Variants in EBF4 observed in about 807,000 individuals in gnomAD.
EBF4 encodes transcription factor COE4.
A neutral mutation model predicts 67.1 loss-of-function variants in EBF4; 34 were observed. The ratio of observed to expected loss-of-function variants is 0.51; its 90% CI spans 0.39 to 0.67. The LOEUF (loss-of-function observed/expected upper bound fraction) is 0.67, where lower values mean the gene tolerates loss of function less well. Ranked by LOEUF, EBF4 falls within the 30% of genes least tolerant of loss-of-function variation. The pLI is 0.00. For missense variants in EBF4, 837 were observed against 873.3 expected (o/e 0.96, Z 0.52); for synonymous variants, 387 against 377.7 (o/e 1.02, Z -0.29).
At chr20:2,730,640 T>C (rs1197409818) in intron 6 of EBF4, among the ~76,000 whole-genome samples, 1 of 152,218 alleles carries the variant, frequency 6.6e-6, no homozygotes, top group African/African-American at 2.4e-5. Flanking sequence ...ACAAGCTCTG[T>C]GGACTCTGCT....
At chr20:2,729,525 G>C (rs544682255) in intron 6 of EBF4, among the ~76,000 whole-genome samples, 25 of 152,212 alleles carry the variant, frequency 1.6e-4, no homozygotes, top group African/African-American at 5.5e-4. Context: ...TCCCCTACTA[G>C]GCCGAAGTGA....
rs970669544 is a variant in EBF4 at position 2,745,873 on chromosome 20, G to C, written c.558-2676G>C. 5.3e-5 allele frequency among the ~76,000 whole-genome samples: 8 copies of C among 152,190 alleles called. No homozygotes were observed. Among genetic ancestry groups the C allele is most frequent in the African/African-American group, 1.9e-4 (8 of 41,434 alleles). On this transcript the variant is annotated intron_variant, in intron 6 of 16. Transcript: ENST00000609451. This position sits in a 1 kb window ranked among gnomAD's most constrained non-coding sequence, Gnocchi z 5.2. ...CCTCTTGATCCTGTAGGTTTGAGTG[G>C]AGTGGGGTGCAGTGGGCACATGTGT...
intron 6 of EBF4, among the ~76,000 whole-genome samples, chr20:2,727,116 T>A (rs1451716742): frequency 6.6e-6 from 1 of 152,178 alleles, no homozygotes; most frequent in Admixed American, 6.5e-5. Context: ...GCCTTCCTTT[T>A]TAAGGCTTAA....
In EBF4 at chr20:2,751,247, C is replaced by A. The variant is rs1241912941; in HGVS notation, c.1019-453C>A. On this transcript the variant is annotated intron_variant, in intron 10 of 16. Coordinates refer to ENST00000609451, the Ensembl canonical transcript of EBF4. This position sits in a 1 kb window ranked among gnomAD's most constrained non-coding sequence, Gnocchi z 5.2. ...CCCTGGGGTGCATGCAAACCTCTAG[C>A]CTTCAGATGCTGCAGAGAGTCCACT... 6.6e-6 allele frequency among the ~76,000 whole-genome samples: 1 copy of A among 152,184 alleles called. No individual in the cohort carries two copies. The highest frequency in any genetic ancestry group is 1.9e-4 in the East Asian group (1 of 5,190).
chr20:2,755,758 C>G lies in EBF4; in HGVS notation c.1672C>G (p.Pro558Ala). The change falls in exon 15 of 17, where the codon CCC (proline) becomes GCC (alanine). Residue 558 changes from proline (P) to alanine (A), a missense_variant. This residue lies in a region of EBF4 where 525 missense variants were observed against 496.5 expected (regional missense o/e 1.06). Coordinates refer to ENST00000609451, the Ensembl canonical transcript of EBF4. The surrounding 1 kb of genome is among the most constrained non-coding windows in gnomAD (Gnocchi z 4.7). Reference sequence around the variant, plus strand: ...CGTCAAACAGAGGAGCGCCTTCGCCCCCGTGCTGCGCCCCCCAAGCTCCCC... The same window carrying G: ...CGTCAAACAGAGGAGCGCCTTCGCCGCCGTGCTGCGCCCCCCAAGCTCCCC... The G allele has an allele frequency of 6.4e-7, 1 of 1,550,730 alleles. No individual in the cohort carries two copies. The highest frequency in any genetic ancestry group is 1.7e-4 in the Middle Eastern group (1 of 5,990).
In EBF4 at chr20:2,755,675, C is replaced by T. The variant is rs779139244; in HGVS notation, c.1589C>T (p.Pro530Leu). Residue 530 changes from proline to leucine, a missense_variant, in exon 15 of 17, where the codon CCG (proline) becomes CTG (leucine). Physicochemically the swap from Pro to Leu is moderately conservative, Grantham distance 98 (BLOSUM62 -3). Coordinates refer to ENST00000609451, the Ensembl canonical transcript of EBF4. The surrounding 1 kb of genome is among the most constrained non-coding windows in gnomAD (Gnocchi z 4.7). The stretch of plus-strand genomic sequence containing the variant: ...GCGGCTGCCTCCTCCATGTCCCTCC[C>T]GGCCGCTGCCCCCACCACCAGCGTG... 53 of 1,549,998 alleles carry T rather than the reference C, an allele frequency of 3.4e-5. No homozygotes were observed. In the South Asian group the frequency reaches 3.5e-4, roughly 10 times the overall value.
At chr20:2,717,864 G>T (rs1384792686) in intron 6 of EBF4, among the ~76,000 whole-genome samples, 1 of 150,762 alleles carries the variant, frequency 6.6e-6, no homozygotes, top group African/African-American at 2.5e-5. Flanking sequence ...AGGCTGGAGT[G>T]CAGTGGCATG....
rs1164843633 is a variant in EBF4, at chr20:2,747,266, G to A, written c.558-1283G>A. On this transcript the variant is annotated intron_variant, in intron 6 of 16. Transcript: ENST00000609451. This position sits in a 1 kb window ranked among gnomAD's most constrained non-coding sequence, Gnocchi z 4.6. ...GGTGGAGGTTGCAGTGAGACATGGC[G>A]AGCCTGGGCAACAGAGCAAGACTCT... 2.0e-5 allele frequency among the ~76,000 whole-genome samples: 3 copies of A among 150,360 alleles called. No homozygotes were observed. Among genetic ancestry groups the A allele is most frequent in the Non-Finnish European group, 3.0e-5 (2 of 67,746 alleles).
At chr20:2,726,800 C>T (rs370339301) in intron 6 of EBF4, among the ~76,000 whole-genome samples, 233 of 152,134 alleles carry the variant, frequency 1.5e-3, no homozygotes, top group African/African-American at 5.3e-3. Flanking sequence ...AAACACATAA[C>T]GTAAAATTTT....
rs953289401 is a variant in EBF4, at chr20:2,745,110, C to T, written c.558-3439C>T. On this transcript the variant is annotated intron_variant, in intron 6 of 16. Coordinates refer to ENST00000609451, the Ensembl canonical transcript of EBF4. This position sits in a 1 kb window ranked among gnomAD's most constrained non-coding sequence, Gnocchi z 5.2. ...GTTCTCAAACTTCAGGGTGAACCAGCATCACCTGGAGGGCGTATGAATGCA... is the reference window on the plus strand; with the variant it reads ...GTTCTCAAACTTCAGGGTGAACCAGTATCACCTGGAGGGCGTATGAATGCA... Among the ~76,000 whole-genome samples the T allele has an allele frequency of 6.6e-5, 10 of 152,216 alleles. No homozygotes were observed. The highest frequency in any genetic ancestry group is 1.5e-4 in the Non-Finnish European group (10 of 68,052).
rs1441713570 is a variant in EBF4 at position 2,709,662 on chromosome 20, G to A, written c.557+20G>A. The A allele has an allele frequency of 3.3e-6, 5 of 1,523,836 alleles. No homozygotes were observed. The highest frequency in any genetic ancestry group is 4.4e-6 in the Non-Finnish European group (5 of 1,129,942). The allele number at this position is 1,523,836 out of a possible 1,614,324, so 94.4% of individuals were successfully genotyped here. On this transcript the variant is annotated intron_variant, in intron 6 of 16. Transcript: ENST00000609451. ...TGACAGGTACAGGCTCAGGGAGGGG[G>A]CCTGGAAGCTCAGAGGAGAGTGGGG...
intron 6 of EBF4, among the ~76,000 whole-genome samples, chr20:2,737,817 GAA>G (rs5839969): frequency 0.19 from 27,172 of 143,656 alleles, 2,992 homozygotes; most frequent in African/African-American, 0.3. Context: ...CTAAAAATGT[GAA>G]AAAAAAAAAA....
Position 2,724,518 on chromosome 20 carries a change from G to A in EBF4, c.557+14876G>A, listed in dbSNP as rs375780506. On this transcript the variant is annotated intron_variant, in intron 6 of 16. Coordinates refer to ENST00000609451, the Ensembl canonical transcript of EBF4. ...CTCACTTTTGTCTTTGTATGACTCCGTTTCTTGAAAGATGGTTGTTCTGGG... is the reference window on the plus strand; with the variant it reads ...CTCACTTTTGTCTTTGTATGACTCCATTTCTTGAAAGATGGTTGTTCTGGG... Among the ~76,000 whole-genome samples, 5 of 152,192 alleles carry A rather than the reference G, an allele frequency of 3.3e-5. No homozygotes were observed. In the East Asian group the frequency reaches 7.7e-4, roughly 24 times the overall value.
chr20:2,749,526 C>T lies in EBF4; in HGVS notation c.757+8C>T, dbSNP rs1428491137. ...GCCTGGACCCCTCCGAAGGTCAGGA[C>T]CCCCGGCCCAGCCCCGGCCGCCGCG... On this transcript the variant is annotated splice_region_variant and intron_variant, in intron 8 of 16. Coordinates refer to ENST00000609451, the Ensembl canonical transcript of EBF4. 11 of 1,543,506 alleles carry T rather than the reference C, an allele frequency of 7.1e-6. No homozygotes were observed. The Admixed American group carries it at 1.6e-4, about 22-fold the overall frequency.
intron 6 of EBF4, among the ~76,000 whole-genome samples, chr20:2,733,400 T>C (rs186733736): frequency 6.6e-6 from 1 of 152,344 alleles, no homozygotes; most frequent in African/African-American, 2.4e-5. Context: ...ACACTTTGTG[T>C]TCATACTACT....
rs189997497 is a variant in EBF4 at position 2,718,088 on chromosome 20, C to A, written c.557+8446C>A. 5.8e-3 allele frequency among the ~76,000 whole-genome samples: 881 copies of A among 152,274 alleles called. 5 individuals are homozygous for A. The highest frequency in any genetic ancestry group is 0.012 in the Admixed American group (187 of 15,294). On this transcript the variant is annotated intron_variant, in intron 6 of 16. Coordinates refer to ENST00000609451, the Ensembl canonical transcript of EBF4. ...CCTTCCAAAGTGCTGGAATTACAGG[C>A]GTGAGCCACCGCACCCGGCTGGTTA...
At chr20:2,717,671 A>G (rs530722086) in intron 6 of EBF4, among the ~76,000 whole-genome samples, 119 of 152,156 alleles carry the variant, frequency 7.8e-4, no homozygotes, top group Middle Eastern at 3.4e-3. Context: ...TTATTTTTTT[A>G]TGTAGACAGC....
At chr20:2,702,287 G>C (rs73578053) in intron 1 of EBF4, among the ~76,000 whole-genome samples, 1 of 152,088 alleles carries the variant, frequency 6.6e-6, no homozygotes, top group African/African-American at 2.4e-5. Context: ...AATTAGCTGG[G>C]CATGGTGGCT....
At chr20:2,743,861 A>G (rs564775446) in intron 6 of EBF4, among the ~76,000 whole-genome samples, 26 of 152,228 alleles carry the variant, frequency 1.7e-4, no homozygotes, top group African/African-American at 5.5e-4. Flanking sequence ...TGGTGATCCA[A>G]TCCAGATATT....
Sources: allele counts gnomAD v4.1 joint callset (sites outside exome capture counted in the v4.1 genomes callset), GRCh38; gene constraint gnomAD v4.1.1; regional missense constraint gnomAD v4.1.1; non-coding constraint Gnocchi (gnomAD v3.1); transcripts MANE v1.5; gene names NCBI Gene and HGNC (gene_info 2026-07-23, HGNC 2026-07-21).